AUTS2: variants seen among roughly 807,000 people sequenced by gnomAD.
AUTS2 encodes the protein autism susceptibility gene 2 protein.
Under a neutral mutation model 112.4 loss-of-function variants are expected in AUTS2, and 17 were observed. The observed-to-expected ratio is 0.15, with a 90% CI of 0.10 to 0.23. The LOEUF (loss-of-function observed/expected upper bound fraction) is 0.23, where lower values mean the gene tolerates loss of function less well. Ranked by LOEUF, AUTS2 falls within the 10% of genes least tolerant of loss-of-function variation. The probability of loss-of-function intolerance (pLI) is 1.00; values close to 1 mark genes in which losing one functional copy is unlikely to be tolerated. For synonymous variants in AUTS2, 751 were observed against 702.7 expected, an observed-to-expected ratio of 1.07 and a Z score of -1.09; for missense variants, 1,510 against 1,701.6, an observed-to-expected ratio of 0.89 and a Z score of 1.98.
intron 2 of AUTS2, among the ~76,000 whole-genome samples, chr7:70,039,994 A>G (rs1439265155): frequency 6.6e-6 from 1 of 152,216 alleles, no homozygotes; most frequent in African/African-American, 2.4e-5. Flanking sequence ...CTGCAGAGAA[A>G]CAAACATCCA....
chr7:69,676,182 G>T (rs1400741713), intron 1 of AUTS2, among the ~76,000 whole-genome samples: 1 of 152,192 alleles, frequency 6.6e-6, no homozygotes, highest in Non-Finnish European at 1.5e-5. Context: ...TCACATCAGT[G>T]TGTAATATAC....
chr7:69,712,903 A>G (rs1798394636), intron 1 of AUTS2, among the ~76,000 whole-genome samples: 1 of 152,162 alleles, frequency 6.6e-6, no homozygotes, highest in South Asian at 2.1e-4. Context: ...TATTGGTAAG[A>G]TTTTAGCCAT....
At chr7:70,423,339 A>G (rs1009458478) in intron 4 of AUTS2, among the ~76,000 whole-genome samples, 2 of 152,248 alleles carry the variant, frequency 1.3e-5, no homozygotes, top group Non-Finnish European at 2.9e-5. Context: ...GAGTAGGGCT[A>G]TCAAAACTAT....
At chr7:69,726,397 C>G (rs1457154820) in intron 1 of AUTS2, among the ~76,000 whole-genome samples, 2 of 151,808 alleles carry the variant, frequency 1.3e-5, no homozygotes, top group East Asian at 3.9e-4. Flanking sequence ...GAATAGTACC[C>G]TGTTGTACAG....
chr7:70,045,610 T>G (rs1272251216), intron 2 of AUTS2, among the ~76,000 whole-genome samples: 1 of 150,732 alleles, frequency 6.6e-6, no homozygotes, highest in African/African-American at 2.4e-5. Context: ...ATATTTTATT[T>G]TATTTTATTT....
chr7:70,192,365 C>T (rs866149075), intron 4 of AUTS2, among the ~76,000 whole-genome samples: 1 of 152,136 alleles, frequency 6.6e-6, no homozygotes, highest in African/African-American at 2.4e-5. Flanking sequence ...CTAATTCTGA[C>T]AAATACAATA....
At chr7:70,143,184 A>G (rs1806952024) in intron 4 of AUTS2, among the ~76,000 whole-genome samples, 1 of 152,218 alleles carries the variant, frequency 6.6e-6, no homozygotes, top group Non-Finnish European at 1.5e-5. Context: ...GAAAAGTGGT[A>G]TTTTAACTCC....
intron 5 of AUTS2, among the ~76,000 whole-genome samples, chr7:70,553,830 G>A (rs1225771530): frequency 5.9e-5 from 8 of 134,588 alleles, no homozygotes; most frequent in African/African-American, 1.1e-4. Context: ...GCAGTGGTGC[G>A]ATTTCGGCTC....
chr7:70,535,105 G>A (rs1800265109), intron 5 of AUTS2, among the ~76,000 whole-genome samples: 1 of 151,622 alleles, frequency 6.6e-6, no homozygotes, highest in South Asian at 2.1e-4. Flanking sequence ...GATGATACCT[G>A]GGCTAGTAAG....
At chr7:69,641,051 A>G (rs1287088206) in intron 1 of AUTS2, among the ~76,000 whole-genome samples, 2 of 152,220 alleles carry the variant, frequency 1.3e-5, no homozygotes, top group Non-Finnish European at 1.5e-5. Flanking sequence ...GTAGCATTTT[A>G]ACTTGTGTCA....
At chr7:70,114,911 T>C (rs1386407747) in intron 2 of AUTS2, among the ~76,000 whole-genome samples, 3 of 152,248 alleles carry the variant, frequency 2.0e-5, no homozygotes, top group African/African-American at 7.2e-5. Flanking sequence ...TTCATTTCTT[T>C]GAAATATTGA....
chr7:69,898,018 T>A (rs1794824739), intron 1 of AUTS2, among the ~76,000 whole-genome samples: 1 of 152,198 alleles, frequency 6.6e-6, no homozygotes, highest in East Asian at 1.9e-4. Context: ...ATTTAGATAG[T>A]AAAAAATTTA....
At chr7:70,331,397 C>A (rs1460217549) in intron 4 of AUTS2, among the ~76,000 whole-genome samples, 1 of 151,910 alleles carries the variant, frequency 6.6e-6, no homozygotes, top group African/African-American at 2.4e-5. Flanking sequence ...GGTGATATCC[C>A]CTTTATCATT....
chr7:69,819,748 G>A (rs1296843470), intron 1 of AUTS2, among the ~76,000 whole-genome samples: 6 of 152,132 alleles, frequency 3.9e-5, no homozygotes, highest in African/African-American at 1.4e-4. Flanking sequence ...TTCCCAAATA[G>A]CTGGGACCAT....
intron 2 of AUTS2, among the ~76,000 whole-genome samples, chr7:70,112,017 T>C (rs1268263912): frequency 6.6e-6 from 1 of 151,998 alleles, no homozygotes; most frequent in Non-Finnish European, 1.5e-5. Flanking sequence ...ATTTTACCTA[T>C]ACTTGCCTTT....
chr7:69,779,360 G>A (rs1295845943), intron 1 of AUTS2, among the ~76,000 whole-genome samples: 1 of 152,202 alleles, frequency 6.6e-6, no homozygotes, highest in East Asian at 1.9e-4. Flanking sequence ...CATTAGAAAG[G>A]ATGGGAAGAG....
Position 70,781,722 on chromosome 7 carries a change from C to G in AUTS2, c.2112C>G (p.Asp704Glu). The change falls in exon 15 of 19, where the codon GAC (aspartate) becomes GAG (glutamate). Residue 704 changes from aspartate to glutamate, a missense_variant. Physicochemically the swap from Asp to Glu is conservative, Grantham distance 45. Transcript: ENST00000342771. ...SLFGAIHHPHDLARPSTLFSA... is the reference protein window; with the variant it reads ...SLFGAIHHPHELARPSTLFSA... Reference sequence around the variant, plus strand: ...TTGGAGCCATCCACCACCCCCATGACCTGGCACGGCCTTCAACTTTGTTCT... The same window carrying G: ...TTGGAGCCATCCACCACCCCCATGAGCTGGCACGGCCTTCAACTTTGTTCT... 6 of 1,614,192 alleles carry G rather than the reference C, an allele frequency of 3.7e-6. No homozygotes were observed. Among genetic ancestry groups the G allele is most frequent in the Non-Finnish European group, 5.1e-6 (6 of 1,180,024 alleles).
At chr7:70,732,821 A>G (rs954204977) in intron 6 of AUTS2, among the ~76,000 whole-genome samples, 10 of 152,250 alleles carry the variant, frequency 6.6e-5, no homozygotes, top group African/African-American at 2.4e-4. Context: ...ACTGAAGTAC[A>G]TTATGCATTG....
chr7:70,761,570 C>T (rs1017860013), intron 6 of AUTS2, among the ~76,000 whole-genome samples: 1 of 152,182 alleles, frequency 6.6e-6, no homozygotes. Flanking sequence ...CAGTTGTATA[C>T]AAAAGTACTT....
Sources: allele counts gnomAD v4.1 joint callset (sites outside exome capture counted in the v4.1 genomes callset), GRCh38; gene constraint gnomAD v4.1.1; transcripts MANE v1.5; gene names NCBI Gene and HGNC (gene_info 2026-07-23, HGNC 2026-07-21).